The following SPAG4 variants were observed in gnomAD, a reference collection of about 807,000 sequenced individuals.
SPAG4 encodes the protein sperm-associated antigen 4 protein.
SPAG4 carries 54 observed loss-of-function variants against 53.9 expected under a neutral mutation model. The observed-to-expected ratio is 1.00, with a 90% CI of 0.80 to 1.26. The LOEUF (loss-of-function observed/expected upper bound fraction) is 1.26, where lower values mean the gene tolerates loss of function less well. Among genes scored for constraint, SPAG4 ranks in the 50% most tolerant of loss-of-function variants. SPAG4 has a pLI of 0.00. For missense variants in SPAG4, 548 were observed against 568.6 expected (o/e 0.96, Z 0.37); for synonymous variants, 246 against 237.4 (o/e 1.04, Z -0.33).
Position 35,618,459 on chromosome 20 carries a change from G to A in SPAG4, c.592G>A (p.Glu198Lys). The change falls in exon 6 of 12, where the codon GAG becomes AAG. Residue 198 changes from glutamate to lysine, a missense_variant. Transcript: ENST00000374273. Reference protein sequence around the residue: ...LVSPLENEPKEMLTLSEYHER... With the variant: ...LVSPLENEPKKMLTLSEYHER... ...TCCCTTCATCCAACAGGAACCTAAG[G>A]AGATGCTGACTCTAAGGTGAAAGAG... The A allele has an allele frequency of 6.2e-7, 1 of 1,613,976 alleles. No individual in the cohort carries two copies. Among genetic ancestry groups the A allele is most frequent in the South Asian group, 1.1e-5 (1 of 91,034 alleles).
At chr20:35,618,338 G>A (rs6088902) in intron 5 of SPAG4, 112 bp from the exon 6 acceptor site, 55 of 1,388,806 alleles carry the variant, frequency 4.0e-5, no homozygotes, top group South Asian at 4.9e-5. Flanking sequence ...AGGAGGAGTC[G>A]AGGAAAGGGG....
Position 35,619,191 on chromosome 20 carries a change from C to G in SPAG4, c.794-4C>G. Reference sequence around the variant, plus strand: ...CCTCTGAGGGTTACTTCTCACTGTTCCAGGAGCCTCCATCGACCTGCAGAA... The same window carrying G: ...CCTCTGAGGGTTACTTCTCACTGTTGCAGGAGCCTCCATCGACCTGCAGAA... On this transcript the variant is annotated splice_polypyrimidine_tract_variant and splice_region_variant and intron_variant, in intron 8 of 11. Transcript: ENST00000374273. 6.3e-7 allele frequency: 1 copy of G among 1,592,508 alleles called. No individual in the cohort carries two copies. The highest frequency in any genetic ancestry group is 8.6e-7 in the Non-Finnish European group (1 of 1,167,586).
rs923989659 is a variant in SPAG4, at chr20:35,615,921, G to A, written c.-83G>A. On this transcript the variant is annotated 5_prime_UTR_variant, in exon 1 of 12. Transcript: ENST00000374273. The stretch of plus-strand genomic sequence containing the variant: ...GCAGGGTCCGTGGGGTCCCCGCGGC[G>A]CGCAGCGGCTGAAGGAGGCCCCAGG... 5.0e-6 allele frequency: 7 copies of A among 1,405,048 alleles called. No homozygotes were observed. The highest frequency in any genetic ancestry group is 1.3e-5 in the South Asian group (1 of 76,850). The allele number at this position is 1,405,048 out of a possible 1,614,324, so 87.0% of individuals were successfully genotyped here.
Position 35,617,184 on chromosome 20 carries a change from C to T in SPAG4, c.353C>T (p.Pro118Leu), listed in dbSNP as rs761442891. The T allele has an allele frequency of 1.7e-5, 28 of 1,601,332 alleles. No homozygotes were observed. The Admixed American group carries it at 4.1e-4, about 23-fold the overall frequency. The change falls in exon 2 of 12, where the codon CCG becomes CTG. Residue 118 changes from proline to leucine, a missense_variant. Transcript: ENST00000374273. The stretch of plus-strand genomic sequence containing the variant: ...TCTGAGGAGCCGCTCGACCTTCTCC[C>T]GACCCTGGATCTGAGGCAGGAGATG... ...VVSEEPLDLL[P>L]TLDLRQEMPP...
chr20:35,616,633 C>CT lies in SPAG4; in HGVS notation c.304+342dup, dbSNP rs11476679. Among the ~76,000 whole-genome samples the CT allele has an allele frequency of 6.7e-3, 857 of 128,866 alleles. 7 individuals carry two copies. Among genetic ancestry groups the CT allele is most frequent in the African/African-American group, 0.02 (681 of 33,718 alleles). 84.5% of individuals were successfully genotyped at this position (128,866 alleles called of 152,430 possible). A position where few individuals can be genotyped will look rare whatever the true frequency, so the allele number is the denominator to read the frequency against. On this transcript the variant is annotated intron_variant, in intron 1 of 11. Transcript: ENST00000374273. ...CATCCGTTTGGGGGAGGGACCAACT[C>CT]TTTTTTTTTTTTTTTTGCAACGGAG...
intron 1 of SPAG4, chr20:35,616,530 G>T (rs115770665): frequency 1.5e-3 from 470 of 315,684 alleles, no homozygotes; most frequent in African/African-American, 9.2e-3. Context: ...GTGCCACTGA[G>T]GGGGCGCGGC....
Position 35,618,495 on chromosome 20 carries a change from G to T in SPAG4, c.608+20G>T, listed in dbSNP as rs1464729717. ...TCTAAGGTGAAAGAGGGCACCTAGGGTGGGAAATTGGGGGGCTCAAAGTTG... is the reference window on the plus strand; with the variant it reads ...TCTAAGGTGAAAGAGGGCACCTAGGTTGGGAAATTGGGGGGCTCAAAGTTG... On this transcript the variant is annotated intron_variant, in intron 6 of 11. Coordinates refer to ENST00000374273, the MANE Select transcript of SPAG4 (RefSeq NM_003116.3). 5.0e-6 allele frequency: 8 copies of T among 1,613,604 alleles called. No individual in the cohort carries two copies. The African/African-American group carries it at 1.1e-4, about 22-fold the overall frequency.
At chr20:35,618,567 G>A in intron 6 of SPAG4, 45 bp from the exon 7 acceptor site, 1 of 1,597,740 alleles carries the variant, frequency 6.3e-7, no homozygotes, top group South Asian at 1.1e-5. Flanking sequence ...GAGGTGTCCA[G>A]GGGGACAGGG....
rs2031484610 is a variant in SPAG4, at chr20:35,619,072, T to C, written c.793+74T>C. On this transcript the variant is annotated intron_variant, in intron 8 of 11. Coordinates refer to ENST00000374273, the MANE Select transcript of SPAG4 (RefSeq NM_003116.3). ...CAAGACACTGACACAGACAGACCCATGCACCTGACCGGCCGAAGACAGAGC... is the reference window on the plus strand; with the variant it reads ...CAAGACACTGACACAGACAGACCCACGCACCTGACCGGCCGAAGACAGAGC... 4 of 1,484,934 alleles carry C rather than the reference T, an allele frequency of 2.7e-6. No homozygotes were observed. The East Asian group carries it at 9.1e-5, about 34-fold the overall frequency. 92.0% of individuals were successfully genotyped at this position (1,484,934 alleles called of 1,614,324 possible). A position where few individuals can be genotyped will look rare whatever the true frequency, so the allele number is the denominator to read the frequency against.
At chr20:35,618,188 G>T (rs2031452741) in intron 5 of SPAG4, 58 bp downstream of exon 5, 1 of 1,554,058 alleles carries the variant, frequency 6.4e-7, no homozygotes, top group African/African-American at 1.4e-5. Flanking sequence ...CCCGGAGATT[G>T]TGGGGGTCCC....
intron 10 of SPAG4, 139 bp from the exon 11 acceptor site, chr20:35,620,545 T>C: frequency 1.6e-6 from 1 of 640,684 alleles, no homozygotes; most frequent in South Asian, 1.8e-5. Context: ...AATTACAGTG[T>C]ACGACCATCA....
rs1323285986 is a variant in SPAG4, at chr20:35,617,853, G to T, written c.538+13G>T. ...CTCTTTCTGTCAGGTGAGGGGCAGT[G>T]AATTCCCTGGAGCCCCTGCCCTGGG... On this transcript the variant is annotated intron_variant, in intron 4 of 11. Transcript: ENST00000374273. 6.2e-7 allele frequency: 1 copy of T among 1,613,342 alleles called. No individual in the cohort carries two copies. Among genetic ancestry groups the T allele is most frequent in the Admixed American group, 1.7e-5 (1 of 60,014 alleles).
intron 1 of SPAG4, 72 bp downstream of exon 1, chr20:35,616,379 G>C (rs1003281922): frequency 7.0e-7 from 1 of 1,424,306 alleles, no homozygotes; most frequent in East Asian, 2.6e-5. Context: ...GGGCGGGGAC[G>C]GGGCTAAGAT....
At position 35,618,924 on chromosome 20, in the gene SPAG4, G is replaced by A; in HGVS notation, c.719G>A (p.Arg240Lys). The change falls in exon 8 of 12, where the codon AGA becomes AAA. Residue 240 changes from arginine (R) to lysine (K), a missense_variant and splice_region_variant. By Grantham distance (26) the Arg-to-Lys change is conservative. Transcript: ENST00000374273. The part of the protein sequence containing the change: ...VSTVRAANSE[R>K]VAKLVFQRLN... ...AGGCCTCGCCCTCCCTCCTTGCAGA[G>A]AGTGGCCAAGCTCGTGTTCCAGAGG... 6.2e-7 allele frequency: 1 copy of A among 1,614,130 alleles called. No homozygotes were observed. Among genetic ancestry groups the A allele is most frequent in the Non-Finnish European group, 8.5e-7 (1 of 1,179,954 alleles).
chr20:35,620,376 A>T (rs147179412), intron 10 of SPAG4, among the ~76,000 whole-genome samples: 4 of 152,158 alleles, frequency 2.6e-5, no homozygotes, highest in African/African-American at 9.7e-5. Flanking sequence ...TACAACTAAC[A>T]GTTGGCAGGA....
chr20:35,616,255 C>G lies in SPAG4; in HGVS notation c.252C>G (p.Ser84Arg), dbSNP rs762109497. 1.3e-6 allele frequency: 2 copies of G among 1,512,536 alleles called. No individual in the cohort carries two copies. The highest frequency in any genetic ancestry group is 2.9e-5 in the African/African-American group (2 of 69,618). The allele number at this position is 1,512,536 out of a possible 1,614,324, so 93.7% of individuals were successfully genotyped here. Reference protein sequence around the residue: ...GSSQQKPAPRSHNWQTACGAA... With the variant: ...GSSQQKPAPRRHNWQTACGAA... ...CTCAGCAGAAGCCAGCGCCTCGGAG[C>G]CACAACTGGCAGACAGCCTGTGGCG... is the stretch of plus-strand genomic sequence containing the variant. The change falls in exon 1 of 12, where the codon AGC becomes AGG. Residue 84 changes from serine (S) to arginine (R), a missense_variant. Physicochemically the swap from Ser to Arg is moderately radical, Grantham distance 110. Coordinates refer to ENST00000374273, the MANE Select transcript of SPAG4 (RefSeq NM_003116.3).
At chr20:35,620,211 T>G (rs545780807) in intron 10 of SPAG4, among the ~76,000 whole-genome samples, 58 of 152,282 alleles carry the variant, frequency 3.8e-4, no homozygotes, top group African/African-American at 1.4e-3. Flanking sequence ...CCTCAAGTGA[T>G]CCGCCTTCCT....
intron 5 of SPAG4, 109 bp downstream of exon 5, chr20:35,618,239 C>A: frequency 8.3e-7 from 1 of 1,201,270 alleles, no homozygotes; most frequent in Non-Finnish European, 1.2e-6. Flanking sequence ...GTGCCAGAGG[C>A]TACAATCCTT....
chr20:35,617,123 T>C lies in SPAG4; in HGVS notation c.305-13T>C, dbSNP rs746954138. ...GTCCGCAAGGCCCCAGTGGAGCCCTTGGGTTCCCGCAGAACCGACTGGGTC... is the reference window on the plus strand; with the variant it reads ...GTCCGCAAGGCCCCAGTGGAGCCCTCGGGTTCCCGCAGAACCGACTGGGTC... On this transcript the variant is annotated splice_polypyrimidine_tract_variant and intron_variant, in intron 1 of 11. Coordinates refer to ENST00000374273, the MANE Select transcript of SPAG4 (RefSeq NM_003116.3). The C allele has an allele frequency of 1.3e-6, 2 of 1,558,374 alleles. No homozygotes were observed. The highest frequency in any genetic ancestry group is 1.7e-6 in the Non-Finnish European group (2 of 1,146,676).
Sources: allele counts gnomAD v4.1 joint callset (sites outside exome capture counted in the v4.1 genomes callset), GRCh38; gene constraint gnomAD v4.1.1; transcripts MANE v1.5; gene names NCBI Gene and HGNC (gene_info 2026-07-23, HGNC 2026-07-21).